The following ABI3BP variants were observed in gnomAD, a reference collection of about 807,000 sequenced individuals.
ABI3BP encodes the protein ABI family member 3 binding protein.
ABI3BP carries 216 observed loss-of-function variants against 268.6 expected under a neutral mutation model. The ratio of observed to expected loss-of-function variants is 0.80; its 90% CI spans 0.72 to 0.90. ABI3BP has a LOEUF of 0.90. Ranked by LOEUF, ABI3BP falls within the 40% of genes least tolerant of loss-of-function variation. The probability of loss-of-function intolerance (pLI) is 0.00; values close to 1 mark genes in which losing one functional copy is unlikely to be tolerated. For missense variants in ABI3BP, 2,090 were observed against 2,182.4 expected (o/e 0.96, Z 0.84); for synonymous variants, 730 against 730.0 (o/e 1.00, Z 0.00).
At chr3:100,797,682 A>T (rs2097390018) in intron 51 of ABI3BP, among the ~76,000 whole-genome samples, 1 of 151,776 alleles carries the variant, frequency 6.6e-6, no homozygotes, top group Non-Finnish European at 1.5e-5. Flanking sequence ...TTTAACTTGC[A>T]TGCCACATCT....
chr3:100,835,630 A>T lies in ABI3BP; in HGVS notation c.2162T>A (p.Val721Glu). 1 of 1,535,356 alleles carries T rather than the reference A, an allele frequency of 6.5e-7. No individual in the cohort carries two copies. Among genetic ancestry groups the T allele is most frequent in the South Asian group, 1.2e-5 (1 of 84,026 alleles). The change falls in exon 28 of 68, where the codon GTG (valine) becomes GAG (glutamate). Residue 721 changes from valine to glutamate, a missense_variant. Val to Glu is a moderately radical substitution (Grantham distance 121). Coordinates refer to ENST00000471714, the MANE Select transcript of ABI3BP (RefSeq NM_001375547.2). ...VPTTDIEPVT[V>E]RTEATVTTLA... ...TGTTGTCACTGTAGCCTCAGTTCTCACAGTTACAGGCTCAATGTCTGTGGT... is the reference window on the plus strand; with the variant it reads ...TGTTGTCACTGTAGCCTCAGTTCTCTCAGTTACAGGCTCAATGTCTGTGGT...
At chr3:100,779,996 C>T (rs1044275670) in intron 58 of ABI3BP, 136 bp downstream of exon 58, 3 of 681,840 alleles carry the variant, frequency 4.4e-6, no homozygotes, top group Non-Finnish European at 7.7e-6. Flanking sequence ...CTAGCAATAC[C>T]CATGCACTGT....
At chr3:100,775,185 G>T (rs1426274686) in intron 60 of ABI3BP, 22 bp downstream of exon 60, 1 of 1,611,408 alleles carries the variant, frequency 6.2e-7, no homozygotes, top group Admixed American at 1.7e-5. Flanking sequence ...AGTATCCAGT[G>T]AGAACTGATG....
Position 100,848,843 on chromosome 3 carries a change from G to T in ABI3BP, c.1534C>A (p.Pro512Thr), listed in dbSNP as rs576907280. Reference sequence around the variant, plus strand: ...GGTTTGGGCCGGGGGCGTCGTTTAGGTGTAGAAGGGATAGATGTAGTTTGC... The same window carrying T: ...GGTTTGGGCCGGGGGCGTCGTTTAGTTGTAGAAGGGATAGATGTAGTTTGC... Reference protein sequence around the residue: ...PQQTTSIPSTPKRRPRPKPPR... With the variant: ...PQQTTSIPSTTKRRPRPKPPR... Residue 512 changes from proline to threonine, a missense_variant, in exon 18 of 68, where the codon CCT becomes ACT. Coordinates refer to ENST00000471714, the MANE Select transcript of ABI3BP (RefSeq NM_001375547.2). 3 of 1,613,410 alleles carry T rather than the reference G, an allele frequency of 1.9e-6. No homozygotes were observed. In the South Asian group the frequency reaches 3.3e-5, roughly 18 times the overall value.
intron 35 of ABI3BP, among the ~76,000 whole-genome samples, chr3:100,825,217 T>C (rs773515595): frequency 6.6e-6 from 1 of 152,156 alleles, no homozygotes; most frequent in Non-Finnish European, 1.5e-5. Context: ...AAAAAAATGA[T>C]TGGGGCAGAG....
chr3:100,897,613 A>G (rs1424594598), intron 4 of ABI3BP, among the ~76,000 whole-genome samples: 1 of 152,154 alleles, frequency 6.6e-6, no homozygotes, highest in Non-Finnish European at 1.5e-5. Context: ...GGCAAAACTA[A>G]TCTATGGTGA....
chr3:100,911,238 T>C (rs1583073737), intron 2 of ABI3BP: 1 of 348,544 alleles, frequency 2.9e-6, no homozygotes, highest in East Asian at 7.4e-5. Context: ...GTTTGGCTAC[T>C]ACATCGAGGT....
chr3:100,987,077 T>C (rs907697271), intron 1 of ABI3BP, among the ~76,000 whole-genome samples: 3 of 152,194 alleles, frequency 2.0e-5, no homozygotes, highest in Non-Finnish European at 4.4e-5. Flanking sequence ...TAATTTTATG[T>C]TTATTCTGAG....
In ABI3BP at chr3:100,750,629, T is replaced by C. The variant is rs1335866535; in HGVS notation, c.5246-19A>G. 1 of 1,563,352 alleles carries C rather than the reference T, an allele frequency of 6.4e-7. No homozygotes were observed. The highest frequency in any genetic ancestry group is 1.7e-5 in the Admixed American group (1 of 59,556). On this transcript the variant is annotated intron_variant, in intron 67 of 67. Transcript: ENST00000471714. ...AAATAACCTGAGAGAGAAAATAGTTTCATTTTAATAGCTGCTGTATTATAT... is the reference window on the plus strand; with the variant it reads ...AAATAACCTGAGAGAGAAAATAGTTCCATTTTAATAGCTGCTGTATTATAT...
At chr3:100,795,077 G>A in intron 53 of ABI3BP, 74 bp from the exon 54 acceptor site, 1 of 911,610 alleles carries the variant, frequency 1.1e-6, no homozygotes, top group Non-Finnish European at 1.5e-6. Flanking sequence ...GGTATTACAT[G>A]AAATTCCTTC....
At chr3:100,849,782 T>C (rs2098817998) in intron 17 of ABI3BP, among the ~76,000 whole-genome samples, 1 of 152,212 alleles carries the variant, frequency 6.6e-6, no homozygotes, top group Non-Finnish European at 1.5e-5. Flanking sequence ...ATTCTGCTGC[T>C]AGTTTCCAGC....
chr3:100,861,930 C>T (rs968775098), intron 14 of ABI3BP, among the ~76,000 whole-genome samples: 1 of 152,086 alleles, frequency 6.6e-6, no homozygotes, highest in Non-Finnish European at 1.5e-5. Context: ...AATTATTTTG[C>T]CAAAAAGAAG....
In ABI3BP at chr3:100,861,152, T is replaced by C. The variant is rs560975050; in HGVS notation, c.1285+1159A>G. On this transcript the variant is annotated intron_variant, in intron 14 of 67. Transcript: ENST00000471714. ...ACTTAGATACAGTTTGAGGCTTCTC[T>C]GGATAAGCGAACAAGCATGGCCAAC... is the stretch of plus-strand genomic sequence containing the variant. Among the ~76,000 whole-genome samples, 29 of 152,330 alleles carry C rather than the reference T, an allele frequency of 1.9e-4. 2 individuals carry two copies. The South Asian group carries it at 5.6e-3, about 29-fold the overall frequency.
chr3:100,977,087 T>C (rs2086609803), intron 1 of ABI3BP, among the ~76,000 whole-genome samples: 2 of 152,222 alleles, frequency 1.3e-5, no homozygotes, highest in Non-Finnish European at 2.9e-5. Flanking sequence ...GAAAGGTAAT[T>C]GATCCCAAAA....
chr3:100,924,637 T>C (rs544863098), intron 2 of ABI3BP, among the ~76,000 whole-genome samples: 1 of 152,288 alleles, frequency 6.6e-6, no homozygotes, highest in South Asian at 2.1e-4. Context: ...TAAAAAACTT[T>C]AAAGAATGAA....
chr3:100,790,556 T>C (rs2097171257), intron 55 of ABI3BP, among the ~76,000 whole-genome samples: 1 of 151,992 alleles, frequency 6.6e-6, no homozygotes, highest in South Asian at 2.1e-4. Flanking sequence ...ACTTCCAATG[T>C]AAAGACTGTG....
At position 100,750,552 on chromosome 3, in the gene ABI3BP, G is replaced by A; in HGVS notation, c.5304C>T (p.Thr1768=). The A allele has an allele frequency of 6.2e-7, 1 of 1,612,824 alleles. No homozygotes were observed. Among genetic ancestry groups the A allele is most frequent in the Admixed American group, 1.7e-5 (1 of 59,924 alleles). The part of the protein sequence containing the change: ...PVQFGEIGGH[T]QINYVQWYEC... ...CATACCACTGAACATAATTGATTTG[G>A]GTGTGACCACCTATTTCTCCAAATT... Residue 1768 remains threonine, a synonymous_variant, in exon 68 of 68, where the codon ACC becomes ACT. Coordinates refer to ENST00000471714, the MANE Select transcript of ABI3BP (RefSeq NM_001375547.2).
chr3:100,780,210 C>T lies in ABI3BP; in HGVS notation c.4163-1G>A. 1 of 1,611,910 alleles carries T rather than the reference C, an allele frequency of 6.2e-7. No individual in the cohort carries two copies. Among genetic ancestry groups the T allele is most frequent in the Non-Finnish European group, 8.5e-7 (1 of 1,178,696 alleles). On this transcript the variant is annotated splice_acceptor_variant, in intron 57 of 67. Transcript: ENST00000471714. LOFTEE classifies it high-confidence loss of function. ...GATGGCCTGGGTGCTTGCTTGACCC[C>T]TATGAGCAGAGATAATGAAAGGGAA...
At chr3:100,835,442 T>A (rs2098559585) in intron 28 of ABI3BP, among the ~76,000 whole-genome samples, 159 bp downstream of exon 28, 1 of 152,192 alleles carries the variant, frequency 6.6e-6, no homozygotes, top group African/African-American at 2.4e-5. Context: ...TAACTTGTTT[T>A]AAGCACTTTC....
Sources: allele counts gnomAD v4.1 joint callset (sites outside exome capture counted in the v4.1 genomes callset), GRCh38; gene constraint gnomAD v4.1.1; transcripts MANE v1.5; gene names NCBI Gene and HGNC (gene_info 2026-07-23, HGNC 2026-07-21).